Variants in DGKB observed in about 807,000 individuals in gnomAD.
The protein encoded by DGKB is 90 kDa diacylglycerol kinase.
In DGKB, 67 loss-of-function variants were observed where a neutral mutation model predicts 114.3. That is an observed-to-expected ratio of 0.59 (90% CI 0.48 to 0.72). DGKB has a LOEUF of 0.72. Ranked by LOEUF, DGKB falls within the 30% of genes least tolerant of loss-of-function variation. The pLI, the probability that DGKB is intolerant of heterozygous loss-of-function variation, is 0.00. For missense variants in DGKB, 907 were observed against 975.2 expected, an observed-to-expected ratio of 0.93 and a Z score of 0.93; for synonymous variants, 398 against 323.1, an observed-to-expected ratio of 1.23 and a Z score of -2.49.
chr7:14,827,860 A>G (rs1281879906), intron 2 of DGKB, among the ~76,000 whole-genome samples: 1 of 151,976 alleles, frequency 6.6e-6, no homozygotes, highest in Non-Finnish European at 1.5e-5. Context: ...CAGGCTATTG[A>G]GAAAGTTATA....
intron 15 of DGKB, among the ~76,000 whole-genome samples, chr7:14,615,416 T>A (rs1458625710): frequency 6.6e-6 from 1 of 151,928 alleles, no homozygotes; most frequent in Admixed American, 6.6e-5. Flanking sequence ...GACATCACTA[T>A]AAATTGTCAA....
intron 23 of DGKB, among the ~76,000 whole-genome samples, chr7:14,328,452 AGTACGTAAT>A (rs1202538623): frequency 3.7e-4 from 56 of 152,164 alleles, no homozygotes; most frequent in Admixed American, 3.2e-3. Flanking sequence ...AAGGGTAGAA[AGTACGTAAT>A]AGACCTGTCT....
At chr7:14,359,952 T>C (rs542291037) in intron 21 of DGKB, among the ~76,000 whole-genome samples, 1 of 152,104 alleles carries the variant, frequency 6.6e-6, no homozygotes, top group Non-Finnish European at 1.5e-5. Flanking sequence ...GATGCAGCGA[T>C]CCCATTACTA....
In DGKB at chr7:14,574,246, T is replaced by TA; in HGVS notation, c.1735dup (p.Tyr579LeufsTer6). 6.2e-7 allele frequency: 1 copy of TA among 1,613,400 alleles called. No individual in the cohort carries two copies. The highest frequency in any genetic ancestry group is 8.5e-7 in the Non-Finnish European group (1 of 1,179,592). The stretch of plus-strand genomic sequence containing the variant: ...GGAAAAGTAATTATTGATGATACTG[T>TA]AAGGCACTGGGTCTCCTTTCTCATC... On this transcript the variant is annotated frameshift_variant, in exon 20 of 26. Coordinates refer to ENST00000402815, the MANE Select transcript of DGKB (RefSeq NM_001350709.2). LOFTEE classifies it high-confidence loss of function.
At chr7:14,663,393 A>G (rs764188590) in intron 13 of DGKB, among the ~76,000 whole-genome samples, 6 of 151,912 alleles carry the variant, frequency 3.9e-5, no homozygotes, top group Non-Finnish European at 5.9e-5. Flanking sequence ...TTTCAACTGA[A>G]TTGTTTGTTT....
At chr7:14,659,276 C>A (rs891348803) in intron 13 of DGKB, among the ~76,000 whole-genome samples, 4 of 151,952 alleles carry the variant, frequency 2.6e-5, no homozygotes, top group African/African-American at 9.7e-5. Flanking sequence ...TGCTAATGGA[C>A]AGTAATAATA....
intron 21 of DGKB, among the ~76,000 whole-genome samples, chr7:14,410,207 TATATACAC>T (rs2128743816): frequency 6.6e-6 from 1 of 151,022 alleles, no homozygotes; most frequent in South Asian, 2.1e-4. Context: ...TAAATATATA[TATATACAC>T]ATATATATAC....
At chr7:14,340,230 A>G (rs1198417572) in intron 22 of DGKB, among the ~76,000 whole-genome samples, 2 of 124,732 alleles carry the variant, frequency 1.6e-5, no homozygotes, top group Admixed American at 9.2e-5. Flanking sequence ...AATTAAGATG[A>G]TTTCTTTTTA....
chr7:14,709,283 T>C (rs1303619332), intron 6 of DGKB, among the ~76,000 whole-genome samples: 1 of 150,184 alleles, frequency 6.7e-6, no homozygotes, highest in Non-Finnish European at 1.5e-5. Context: ...CTCACACCAG[T>C]TAGAATGGCA....
At chr7:14,442,126 G>A (rs148340697) in intron 21 of DGKB, among the ~76,000 whole-genome samples, 1 of 152,048 alleles carries the variant, frequency 6.6e-6, no homozygotes, top group African/African-American at 2.4e-5. Context: ...GTATGCTTCA[G>A]AATATTTGCT....
At chr7:14,327,729 C>T (rs190471385) in intron 23 of DGKB, among the ~76,000 whole-genome samples, 4 of 152,010 alleles carry the variant, frequency 2.6e-5, no homozygotes, top group African/African-American at 9.7e-5. Context: ...ATACTGCACT[C>T]GTGGTGAGCT....
At chr7:14,737,901 A>G (rs1214710275) in intron 4 of DGKB, among the ~76,000 whole-genome samples, 1 of 152,146 alleles carries the variant, frequency 6.6e-6, no homozygotes, top group Admixed American at 6.5e-5. Flanking sequence ...TCAAAAAAAA[A>G]AAAAAAAAGA....
chr7:14,740,204 T>C (rs1832374701), intron 4 of DGKB, among the ~76,000 whole-genome samples: 1 of 151,188 alleles, frequency 6.6e-6, no homozygotes, highest in African/African-American at 2.4e-5. Context: ...AAGAGGTTTC[T>C]TCCCCAGGCA....
chr7:14,314,366 A>G (rs1806060159), intron 23 of DGKB, among the ~76,000 whole-genome samples: 1 of 151,440 alleles, frequency 6.6e-6, no homozygotes, highest in South Asian at 2.1e-4. Context: ...CCAAAGGCAA[A>G]GAAGTTGAAA....
At chr7:14,175,471 C>T (rs369602306) in intron 25 of DGKB, among the ~76,000 whole-genome samples, 1 of 152,136 alleles carries the variant, frequency 6.6e-6, no homozygotes. Flanking sequence ...ATAAATTTTT[C>T]CTGTTCTACC....
intron 23 of DGKB, among the ~76,000 whole-genome samples, chr7:14,307,760 T>C (rs1163766169): frequency 6.6e-6 from 1 of 152,198 alleles, no homozygotes; most frequent in Non-Finnish European, 1.5e-5. Flanking sequence ...CACAGAATTA[T>C]ATCACATAGA....
At chr7:14,785,340 A>G (rs1489070044) in intron 2 of DGKB, among the ~76,000 whole-genome samples, 1 of 152,062 alleles carries the variant, frequency 6.6e-6, no homozygotes, top group Admixed American at 6.5e-5. Flanking sequence ...AAATAGCTTC[A>G]GTGTCATTTT....
intron 23 of DGKB, among the ~76,000 whole-genome samples, chr7:14,267,406 A>G (rs38271): frequency 0.56 from 85,324 of 152,008 alleles, 26,689 homozygotes; most frequent in East Asian, 0.99. Context: ...CATGCCACGT[A>G]GAGCAGAAAG....
chr7:14,770,195 G>A (rs1837212788), intron 2 of DGKB, among the ~76,000 whole-genome samples: 2 of 152,018 alleles, frequency 1.3e-5, no homozygotes, highest in Admixed American at 1.3e-4. Context: ...GAAGCTGGTA[G>A]GAACACCTGT....
Sources: allele counts gnomAD v4.1 joint callset (sites outside exome capture counted in the v4.1 genomes callset), GRCh38; gene constraint gnomAD v4.1.1; transcripts MANE v1.5; gene names NCBI Gene and HGNC (gene_info 2026-07-23, HGNC 2026-07-21).